Variants in ABCA6 observed in about 807,000 individuals in gnomAD.
The protein encoded by ABCA6 is ATP-binding cassette sub-family A member 6.
A neutral mutation model predicts 191.2 loss-of-function variants in ABCA6; 164 were observed. The ratio of observed to expected loss-of-function variants is 0.86; its 90% CI spans 0.76 to 0.98. The LOEUF (loss-of-function observed/expected upper bound fraction) is 0.98, where lower values mean the gene tolerates loss of function less well. Among genes scored for constraint, ABCA6 ranks in the 50% least tolerant of loss-of-function variants. The pLI is 0.00. For missense variants in ABCA6, 1,958 were observed against 1,894.1 expected, an observed-to-expected ratio of 1.03 and a Z score of -0.63; for synonymous variants, 636 against 647.7, an observed-to-expected ratio of 0.98 and a Z score of 0.27.
rs558245059 is a variant in ABCA6, at chr17:69,117,388, TA to T, written c.1495+509del. Among the ~76,000 whole-genome samples the T allele has an allele frequency of 1.4e-4, 22 of 152,210 alleles. No individual in the cohort carries two copies. The East Asian group carries it at 4.3e-3, about 29-fold the overall frequency. ...CTTTGATGTTTGCTTAAATGTCTGT[TA>T]TAGAAAACTGTATGTTAGAATATTT... On this transcript the variant is annotated intron_variant, in intron 11 of 38. Transcript: ENST00000284425.
chr17:69,123,268 A>G lies in ABCA6; in HGVS notation c.1407T>C (p.Ala469=). ...HPSDDYFEPV[A]PEFQGKEAIR... ...TGGCTTCTTTTCCTTGGAATTCAGG[A>G]GCTACTGGTTCAAAATAATCATCAG... The change falls in exon 10 of 39, where the codon GCT becomes GCC. Residue 469 remains alanine (A), a synonymous_variant. Transcript: ENST00000284425. 6.6e-7 allele frequency: 1 copy of G among 1,515,184 alleles called. No homozygotes were observed. The highest frequency in any genetic ancestry group is 8.9e-7 in the Non-Finnish European group (1 of 1,121,496). The allele number at this position is 1,515,184 out of a possible 1,614,324, so 93.9% of individuals were successfully genotyped here. A position where few individuals can be genotyped will look rare whatever the true frequency, so the allele number is the denominator to read the frequency against.
At chr17:69,137,271 CT>C (rs755584735) in intron 3 of ABCA6, 24 bp downstream of exon 3, 4 of 1,601,674 alleles carry the variant, frequency 2.5e-6, no homozygotes, top group Admixed American at 1.7e-5. Flanking sequence ...ATCAGTAACT[CT>C]TTTTTTGCCA....
intron 26 of ABCA6, 56 bp downstream of exon 26, chr17:69,091,087 G>C: frequency 6.4e-7 from 1 of 1,552,186 alleles, no homozygotes; most frequent in Non-Finnish European, 8.7e-7. Flanking sequence ...TCTGGGAAAA[G>C]CACTTTAATA....
At chr17:69,114,097 A>G (rs2073487424) in intron 13 of ABCA6, among the ~76,000 whole-genome samples, 1 of 152,144 alleles carries the variant, frequency 6.6e-6, no homozygotes, top group Non-Finnish European at 1.5e-5. Context: ...TCATGCTGCT[A>G]TAAAGACACA....
chr17:69,081,223 C>T (rs894845291), intron 36 of ABCA6, 78 bp from the exon 37 acceptor site: 1 of 695,482 alleles, frequency 1.4e-6, no homozygotes, highest in African/African-American at 1.8e-5. Flanking sequence ...ATTGATATTA[C>T]CAACAATTTT....
At chr17:69,105,327 C>T (rs1424408481) in intron 20 of ABCA6, 135 bp downstream of exon 20, 5 of 840,136 alleles carry the variant, frequency 6.0e-6, no homozygotes, top group Non-Finnish European at 9.2e-6. Flanking sequence ...CACTGTTCCT[C>T]ATAAGGTGTT....
At position 69,096,901 on chromosome 17, in the gene ABCA6, T is replaced by C. The variant is rs546399800; in HGVS notation, c.3121-100A>G. ...ACATTGGAAGAATTTTTAAGATAAA[T>C]ATAATCTAATCTTCTAATATTAAAA... On this transcript the variant is annotated intron_variant, in intron 23 of 38. Transcript: ENST00000284425. 49 of 1,030,528 alleles carry C rather than the reference T, an allele frequency of 4.8e-5. No homozygotes were observed. The African/African-American group carries it at 6.8e-4, about 14-fold the overall frequency. The allele number at this position is 1,030,528 out of a possible 1,614,324, so 63.8% of individuals were successfully genotyped here.
chr17:69,105,636 A>G lies in ABCA6; in HGVS notation c.2574-8T>C, dbSNP rs778780551. ...ATTCCAAATACCAATAATCTAAACA[A>G]TAAAGAAAAATTAGCATATTAATCT... On this transcript the variant is annotated splice_polypyrimidine_tract_variant and splice_region_variant and intron_variant, in intron 19 of 38. Transcript: ENST00000284425. 83 of 1,452,492 alleles carry G rather than the reference A, an allele frequency of 5.7e-5. No homozygotes were observed. The highest frequency in any genetic ancestry group is 8.3e-5 in the Admixed American group (4 of 48,328). 90.0% of individuals were successfully genotyped at this position (1,452,492 alleles called of 1,614,324 possible). A position where few individuals can be genotyped will look rare whatever the true frequency, so the allele number is the denominator to read the frequency against.
In ABCA6 at chr17:69,085,123, G is replaced by A. The variant is rs1295742197; in HGVS notation, c.4089C>T (p.Asn1363=). The A allele has an allele frequency of 3.7e-6, 6 of 1,613,094 alleles. No individual in the cohort carries two copies. The highest frequency in any genetic ancestry group is 2.2e-5 in the East Asian group (1 of 44,846). ...LGHLGYCPQE[N]VLWPMLTLRE... ...TCAACGTCAGCATGGGCCACAGCACGTTCTCTTGAGGGCAGTACCCCAGGT... is the reference window on the plus strand; with the variant it reads ...TCAACGTCAGCATGGGCCACAGCACATTCTCTTGAGGGCAGTACCCCAGGT... The change falls in exon 32 of 39, where the codon AAC becomes AAT. Residue 1363 remains asparagine, a synonymous_variant. Coordinates refer to ENST00000284425, the MANE Select transcript of ABCA6 (RefSeq NM_080284.3).
rs566909247 is a variant in ABCA6, at chr17:69,138,834, A to G, written c.97-1334T>C. On this transcript the variant is annotated intron_variant, in intron 2 of 38. Transcript: ENST00000284425. ...GATCTTTGACAAACCTGAGAAAAAC[A>G]AGCAATGGGGAAAGGATTCCCTATT... Among the ~76,000 whole-genome samples the G allele has an allele frequency of 1.8e-3, 271 of 151,156 alleles. 1 individual carries two copies. Among genetic ancestry groups the G allele is most frequent in the Middle Eastern group, 3.4e-3 (1 of 294 alleles).
At chr17:69,085,591 C>T (rs2302133) in intron 31 of ABCA6, 34 bp downstream of exon 31, 877,195 of 1,434,774 alleles carry the variant, frequency 0.61, 274,616 homozygotes, top group Non-Finnish European at 0.65. Context: ...TCATGAAATT[C>T]CTGTTTTGGA....
At chr17:69,084,641 G>A in intron 32 of ABCA6, 134 bp from the exon 33 acceptor site, 2 of 794,092 alleles carry the variant, frequency 2.5e-6, no homozygotes, top group Non-Finnish European at 3.9e-6. Flanking sequence ...TTTTAAAAAA[G>A]AGATTGGTTT....
At chr17:69,121,600 G>A (rs1025167018) in intron 10 of ABCA6, among the ~76,000 whole-genome samples, 1 of 151,956 alleles carries the variant, frequency 6.6e-6, no homozygotes, top group African/African-American at 2.4e-5. Context: ...TGGGGATGTG[G>A]GAGAAGAAGG....
At chr17:69,096,567 C>A in intron 24 of ABCA6, 61 bp downstream of exon 24, 2 of 1,200,704 alleles carry the variant, frequency 1.7e-6, no homozygotes, top group South Asian at 2.4e-5. Flanking sequence ...CTTAAAATAA[C>A]AATGTTAAAA....
At chr17:69,130,131 C>T (rs1170849506) in intron 6 of ABCA6, among the ~76,000 whole-genome samples, 1 of 151,920 alleles carries the variant, frequency 6.6e-6, no homozygotes, top group Non-Finnish European at 1.5e-5. Context: ...GCCCGACCAA[C>T]ATGGTGAAAC....
In ABCA6 at chr17:69,115,399, T is replaced by A; in HGVS notation, c.1583A>T (p.Asn528Ile). Residue 528 changes from asparagine (N) to isoleucine (I), a missense_variant, in exon 12 of 39, where the codon AAT (asparagine) becomes ATT (isoleucine). By Grantham distance (149) the Asn-to-Ile change is moderately radical (BLOSUM62 -3). Transcript: ENST00000284425. ...ACCTTCTGTTGGAACAGACAATCCA[T>A]TAAGAATATTTAGCAGTGAAGATTT... is the stretch of plus-strand genomic sequence containing the variant. Reference protein sequence around the residue: ...AGKSSLLNILNGLSVPTEGSV... With the variant: ...AGKSSLLNILIGLSVPTEGSV... 9.3e-6 allele frequency: 15 copies of A among 1,610,324 alleles called. No individual in the cohort carries two copies. Among genetic ancestry groups the A allele is most frequent in the Non-Finnish European group, 1.3e-5 (15 of 1,178,108 alleles).
chr17:69,095,584 C>T (rs926973738), intron 25 of ABCA6: 2 of 152,160 alleles, frequency 1.3e-5, no homozygotes, highest in African/African-American at 4.8e-5. Flanking sequence ...TTGCACCAAC[C>T]TAATATTAAA....
intron 22 of ABCA6, among the ~76,000 whole-genome samples, chr17:69,100,465 A>T (rs1482137222): frequency 2.6e-5 from 4 of 152,156 alleles, no homozygotes; most frequent in Non-Finnish European, 5.9e-5. Context: ...ATATGTAACC[A>T]GGGTTACAAG....
intron 36 of ABCA6, among the ~76,000 whole-genome samples, chr17:69,081,967 C>T (rs1274518673): frequency 1.3e-5 from 2 of 152,182 alleles, no homozygotes; most frequent in Non-Finnish European, 2.9e-5. Flanking sequence ...AACCCTCATG[C>T]CCTATTCCCA....
Sources: gnomAD v4.1 joint callset for allele counts (sites outside exome capture counted in the v4.1 genomes callset) on GRCh38, gnomAD v4.1.1 for gene constraint, MANE v1.5 for transcripts, NCBI Gene and HGNC (gene_info 2026-07-23, HGNC 2026-07-21) for gene names.